MAPK10: variants seen among roughly 807,000 people sequenced by gnomAD.
The protein encoded by MAPK10 is JNK3 alpha protein kinase.
MAPK10 carries 25 observed loss-of-function variants against 59.3 expected under a neutral mutation model. The observed-to-expected ratio is 0.42, with a 90% CI of 0.31 to 0.59. The LOEUF is 0.59. Among genes scored for constraint, MAPK10 ranks in the 20% least tolerant of loss-of-function variants. The pLI, the probability that MAPK10 is intolerant of heterozygous loss-of-function variation, is 0.15. For missense variants in MAPK10, 351 were observed against 568.9 expected, an observed-to-expected ratio of 0.62 and a Z score of 3.90; for synonymous variants, 190 against 200.5, an observed-to-expected ratio of 0.95 and a Z score of 0.44.
chr4:86,294,482 C>T (rs1040415965), intron 2 of MAPK10, among the ~76,000 whole-genome samples: 1 of 151,634 alleles, frequency 6.6e-6, no homozygotes, highest in Non-Finnish European at 1.5e-5. Context: ...ACCTCTGTTT[C>T]TACCCATGAG....
chr4:86,452,080 T>C (rs975576088), intron 1 of MAPK10, among the ~76,000 whole-genome samples: 1 of 152,104 alleles, frequency 6.6e-6, no homozygotes, highest in Admixed American at 6.5e-5. Flanking sequence ...AGCTGATAAG[T>C]GTCAGAGTCA....
intron 1 of MAPK10, among the ~76,000 whole-genome samples, chr4:86,372,545 A>AAAG (rs1223051954): frequency 0.034 from 678 of 20,098 alleles, 12 homozygotes; most frequent in Non-Finnish European, 0.081. Flanking sequence ...AGAAAGAAAG[A>AAAG]AAGAAAGAAA....
At chr4:86,340,177 A>G (rs1400694597) in intron 2 of MAPK10, among the ~76,000 whole-genome samples, 1 of 152,248 alleles carries the variant, frequency 6.6e-6, no homozygotes, top group Non-Finnish European at 1.5e-5. Flanking sequence ...ACCTTATGGG[A>G]TGGATGCTTT....
intron 2 of MAPK10, among the ~76,000 whole-genome samples, chr4:86,309,335 C>T (rs1351377260): frequency 2.0e-5 from 3 of 152,132 alleles, no homozygotes; most frequent in African/African-American, 7.2e-5. Context: ...GTCAGATACA[C>T]AGAACAGATG....
upstream of MAPK10, among the ~76,000 whole-genome samples, chr4:86,456,637 A>G (rs1460465033): frequency 6.6e-6 from 1 of 152,164 alleles, no homozygotes; most frequent in Non-Finnish European, 1.5e-5. Context: ...CAGACCAATA[A>G]CAAACAGCAA....
intron 2 of MAPK10, among the ~76,000 whole-genome samples, chr4:86,247,124 G>T (rs1198501147): frequency 6.6e-6 from 1 of 152,136 alleles, no homozygotes; most frequent in Non-Finnish European, 1.5e-5. Context: ...AAGTAAAGAA[G>T]GAAGAGGGAA....
At position 86,016,674 on chromosome 4, in the gene MAPK10, TG is replaced by T. The variant is rs1743438518; in HGVS notation, c.*553del. The T allele has an allele frequency of 6.5e-6, 1 of 154,220 alleles. No individual in the cohort carries two copies. The highest frequency in any genetic ancestry group is 2.4e-5 in the African/African-American group (1 of 41,462). 9.6% of individuals were successfully genotyped at this position (154,220 alleles called of 1,614,324 possible). On this transcript the variant is annotated 3_prime_UTR_variant, in exon 14 of 14. Coordinates refer to ENST00000641462, the MANE Select transcript of MAPK10 (RefSeq NM_138982.4). ...GTTTATGTCAGAGTAATAGATCACA[TG>T]AAATGGACCATGTGGTACCCCAGTG... is the stretch of plus-strand genomic sequence containing the variant.
intron 1 of MAPK10, among the ~76,000 whole-genome samples, chr4:86,550,627 T>C (rs907055184): frequency 6.6e-6 from 1 of 152,092 alleles, no homozygotes; most frequent in African/African-American, 2.4e-5. Flanking sequence ...CACTTGAACC[T>C]GGGAGGCAGA....
intron 4 of MAPK10, among the ~76,000 whole-genome samples, chr4:86,133,103 T>G (rs888246768): frequency 6.6e-6 from 1 of 152,144 alleles, no homozygotes; most frequent in Non-Finnish European, 1.5e-5. Flanking sequence ...CAGTAATGAA[T>G]TGTGAAGCTG....
intron 2 of MAPK10, among the ~76,000 whole-genome samples, chr4:86,328,425 T>C (rs1437274827): frequency 6.6e-6 from 1 of 152,166 alleles, no homozygotes; most frequent in Non-Finnish European, 1.5e-5. Context: ...AGTTCAACTA[T>C]TGTGGAAGAC....
At chr4:86,351,808 G>T (rs897800356) in intron 2 of MAPK10, among the ~76,000 whole-genome samples, 1 of 152,068 alleles carries the variant, frequency 6.6e-6, no homozygotes, top group African/African-American at 2.4e-5. Flanking sequence ...TGAACTATTT[G>T]TAAAGTACTT....
chr4:86,349,436 T>C lies in MAPK10; in HGVS notation c.-7+5094A>G, dbSNP rs1578697016. On this transcript the variant is annotated intron_variant, in intron 2 of 13. Coordinates refer to ENST00000641462, the MANE Select transcript of MAPK10 (RefSeq NM_138982.4). ...TCAATAAATATTTATGCAGTGCCTA[T>C]CAAGTGTCAGGCGCTGTATGAGGTA... Among the ~76,000 whole-genome samples the C allele has an allele frequency of 3.3e-5, 5 of 152,222 alleles. No homozygotes were observed. The East Asian group carries it at 9.6e-4, about 29-fold the overall frequency.
chr4:86,506,228 T>C (rs1755725947), intron 1 of MAPK10, among the ~76,000 whole-genome samples: 1 of 152,168 alleles, frequency 6.6e-6, no homozygotes, highest in African/African-American at 2.4e-5. Context: ...GAATCTTTTA[T>C]TGAGGAACTG....
intron 2 of MAPK10, among the ~76,000 whole-genome samples, chr4:86,264,108 ATTATT>A (rs1200161015): frequency 1.3e-5 from 2 of 152,168 alleles, no homozygotes; most frequent in African/African-American, 4.8e-5. Context: ...CCAGAATTTT[ATTATT>A]TTATTTCTTG....
chr4:86,499,777 G>A (rs1327682649), intron 1 of MAPK10, among the ~76,000 whole-genome samples: 1 of 152,148 alleles, frequency 6.6e-6, no homozygotes, highest in African/African-American at 2.4e-5. Flanking sequence ...GATAGGGATG[G>A]TTGGTAAACA....
At chr4:86,374,973 T>C (rs1739543400) in intron 1 of MAPK10, among the ~76,000 whole-genome samples, 1 of 152,222 alleles carries the variant, frequency 6.6e-6, no homozygotes, top group South Asian at 2.1e-4. Flanking sequence ...ATTGAATTCA[T>C]CTACTCTACA....
intron 5 of MAPK10, among the ~76,000 whole-genome samples, chr4:86,104,301 A>G (rs1210774455): frequency 6.6e-6 from 1 of 152,178 alleles, no homozygotes; most frequent in Non-Finnish European, 1.5e-5. Flanking sequence ...GTATACATAT[A>G]TATGGCAATG....
chr4:86,226,490 G>C (rs948555151), intron 2 of MAPK10, among the ~76,000 whole-genome samples: 2 of 152,220 alleles, frequency 1.3e-5, no homozygotes, highest in Non-Finnish European at 2.9e-5. Flanking sequence ...CATTATGCCA[G>C]AGTTTAAAGA....
chr4:86,034,916 G>A (rs2039888432), intron 11 of MAPK10, among the ~76,000 whole-genome samples: 1 of 152,056 alleles, frequency 6.6e-6, no homozygotes, highest in African/African-American at 2.4e-5. Context: ...TGGTGGTGGT[G>A]GTAGTGGTAG....
Sources: allele counts gnomAD v4.1 joint callset (sites outside exome capture counted in the v4.1 genomes callset), GRCh38; gene constraint gnomAD v4.1.1; transcripts MANE v1.5; gene names NCBI Gene and HGNC (gene_info 2026-07-23, HGNC 2026-07-21).